NRG1: variants seen among roughly 807,000 people sequenced by gnomAD.
The protein encoded by NRG1 is neuregulin 1.
In NRG1, 18 loss-of-function variants were observed where a neutral mutation model predicts 63.8. That is an observed-to-expected ratio of 0.28 (90% CI 0.19 to 0.42). The LOEUF is 0.42. NRG1 is among the 10% of genes least tolerant of loss of function. NRG1 has a pLI of 1.00. For synonymous variants in NRG1, 302 were observed against 301.3 expected, an observed-to-expected ratio of 1.00 and a Z score of -0.02; for missense variants, 762 against 814.7, an observed-to-expected ratio of 0.94 and a Z score of 0.79.
At chr8:32,059,327 A>G (rs1823478642) in intron 1 of NRG1, among the ~76,000 whole-genome samples, 2 of 151,558 alleles carry the variant, frequency 1.3e-5, no homozygotes, top group Non-Finnish European at 2.9e-5. Flanking sequence ...TCCCTACTCC[A>G]CACTGGACTT....
At chr8:32,715,704 T>C (rs1819035401) in intron 5 of NRG1, among the ~76,000 whole-genome samples, 1 of 151,568 alleles carries the variant, frequency 6.6e-6, no homozygotes, top group South Asian at 2.1e-4. Context: ...AATGATGTGA[T>C]CTTGGCTCAC....
At chr8:32,368,659 G>T (rs1808403847) in intron 1 of NRG1, among the ~76,000 whole-genome samples, 1 of 152,094 alleles carries the variant, frequency 6.6e-6, no homozygotes, top group Admixed American at 6.5e-5. Flanking sequence ...ATGTTTCCCT[G>T]CAATGACAGA....
intron 1 of NRG1, among the ~76,000 whole-genome samples, chr8:31,989,312 C>G (rs1050818243): frequency 2.6e-5 from 3 of 116,268 alleles, no homozygotes; most frequent in Non-Finnish European, 6.0e-5. Flanking sequence ...ACAACAGGAT[C>G]CATGGGAGAA....
At chr8:32,749,670 A>T in intron 7 of NRG1, 1 of 1,283,016 alleles carries the variant, frequency 7.8e-7, no homozygotes, top group Non-Finnish European at 1.1e-6. Context: ...CTTACCTTTC[A>T]GTTCCTAACT....
chr8:32,319,178 A>G (rs942957091), intron 1 of NRG1, among the ~76,000 whole-genome samples: 8 of 152,140 alleles, frequency 5.3e-5, no homozygotes, highest in East Asian at 1.9e-4. Flanking sequence ...TTCTTCCCCA[A>G]CACACATTCC....
At chr8:32,120,989 T>C (rs28514319) in intron 1 of NRG1, among the ~76,000 whole-genome samples, 3,346 of 152,094 alleles carry the variant, frequency 0.022, 141 homozygotes, top group African/African-American at 0.077. Flanking sequence ...CCTGCTGAGA[T>C]TTGACTTATT....
At chr8:32,110,029 T>G (rs1220390072) in intron 1 of NRG1, among the ~76,000 whole-genome samples, 2 of 152,148 alleles carry the variant, frequency 1.3e-5, no homozygotes, top group Non-Finnish European at 2.9e-5. Context: ...AGAGAGCTAT[T>G]GTAAGGATTA....
At chr8:32,197,978 G>GCGCA (rs1015811013) in intron 1 of NRG1, among the ~76,000 whole-genome samples, 7 of 151,214 alleles carry the variant, frequency 4.6e-5, no homozygotes, top group African/African-American at 1.2e-4. Flanking sequence ...GCATGCACGC[G>GCGCA]CACACACACA....
chr8:31,852,752 T>G (rs1269631809), intron 1 of NRG1, among the ~76,000 whole-genome samples: 1 of 152,220 alleles, frequency 6.6e-6, no homozygotes, highest in Admixed American at 6.5e-5. Flanking sequence ...GGTCTAACAT[T>G]TAAGTCTTTA....
chr8:32,205,135 G>A (rs969749), intron 1 of NRG1, among the ~76,000 whole-genome samples: 140,945 of 152,204 alleles, frequency 0.93, 65,443 homozygotes, highest in East Asian at 1. Context: ...TTAGAGATGT[G>A]TAGGAAAGGA....
Position 32,242,507 on chromosome 8 carries a change from G to A in NRG1, c.38-353321G>A, listed in dbSNP as rs544015046. 4.6e-5 allele frequency among the ~76,000 whole-genome samples: 7 copies of A among 152,192 alleles called. 1 individual carries two copies. The South Asian group carries it at 1.0e-3, about 23-fold the overall frequency. ...AAAAGAAAAAGAAAAATAAGAACAC[G>A]TCTAAAATAATTAGTGCAGTGTCTG... On this transcript the variant is annotated intron_variant, in intron 1 of 10. Coordinates refer to the NRG1 transcript ENST00000519301.
chr8:32,514,414 ACATGCTT>A (rs955833439), intron 1 of NRG1, among the ~76,000 whole-genome samples: 1 of 152,132 alleles, frequency 6.6e-6, no homozygotes, highest in African/African-American at 2.4e-5. Context: ...AAAGTTTTTA[ACATGCTT>A]CATGCTTGAA....
intron 1 of NRG1, among the ~76,000 whole-genome samples, chr8:31,924,701 T>C (rs1201813303): frequency 2.1e-4 from 32 of 151,902 alleles, no homozygotes; most frequent in Admixed American, 2.1e-3. Flanking sequence ...GTATAGATTA[T>C]TGATATTCAA....
At chr8:32,230,275 AG>A (rs1346911975) in intron 1 of NRG1, among the ~76,000 whole-genome samples, 23 of 152,216 alleles carry the variant, frequency 1.5e-4, no homozygotes, top group African/African-American at 5.5e-4. Flanking sequence ...AATTCCTGGA[AG>A]GTGACAGAGA....
At chr8:31,891,387 T>C (rs1399392909) in intron 1 of NRG1, among the ~76,000 whole-genome samples, 1 of 152,134 alleles carries the variant, frequency 6.6e-6, no homozygotes, top group African/African-American at 2.4e-5. Context: ...CATGAAAAGA[T>C]GTTCAAGGTC....
chr8:32,553,981 G>T (rs7835688), intron 1 of NRG1, among the ~76,000 whole-genome samples: 2 of 151,858 alleles, frequency 1.3e-5, no homozygotes, highest in Non-Finnish European at 2.9e-5. Context: ...AAGTTAAATT[G>T]GATTTGAACA....
intron 1 of NRG1, among the ~76,000 whole-genome samples, chr8:31,981,081 T>C (rs1005368737): frequency 6.6e-6 from 1 of 152,050 alleles, no homozygotes. Context: ...CAATCTGAGC[T>C]CTGTAATGTA....
intron 1 of NRG1, among the ~76,000 whole-genome samples, chr8:32,048,446 C>CATACATATATATAT (rs1821426884): frequency 1.5e-4 from 1 of 6,712 alleles, no homozygotes; most frequent in African/African-American, 1.7e-4. Context: ...TATATACATA[C>CATACATATATATAT]ATATATATAT....
chr8:31,675,494 G>A (rs1319063143), intron 1 of NRG1, among the ~76,000 whole-genome samples: 2 of 152,152 alleles, frequency 1.3e-5, no homozygotes, highest in Admixed American at 1.3e-4. Context: ...TAAATTGTTT[G>A]AATTCTCCTT....
Sources: allele counts gnomAD v4.1 joint callset (sites outside exome capture counted in the v4.1 genomes callset), GRCh38; gene constraint gnomAD v4.1.1; transcripts MANE v1.5; gene names NCBI Gene and HGNC (gene_info 2026-07-23, HGNC 2026-07-21).